Variants in ANKS1A observed in about 807,000 individuals in gnomAD.
The protein encoded by ANKS1A is ankyrin repeat and sterile alpha motif domain containing 1A.
A neutral mutation model predicts 120.3 loss-of-function variants in ANKS1A; 55 were observed. The observed-to-expected ratio is 0.46, with a 90% CI of 0.37 to 0.57. The LOEUF is 0.57. ANKS1A is among the 20% of genes least tolerant of loss of function. ANKS1A has a pLI of 0.00. For synonymous variants in ANKS1A, 590 were observed against 604.7 expected, an observed-to-expected ratio of 0.98 and a Z score of 0.36; for missense variants, 1,123 against 1,480.3, an observed-to-expected ratio of 0.76 and a Z score of 3.96.
intron 11 of ANKS1A, among the ~76,000 whole-genome samples, chr6:35,018,852 G>C (rs1362655812): frequency 6.6e-6 from 1 of 152,112 alleles, no homozygotes; most frequent in African/African-American, 2.4e-5. Context: ...GCCTGAAAAG[G>C]ACACGAGCTC....
At chr6:34,895,780 C>CATTTTTTT (rs1767041000) in intron 1 of ANKS1A, among the ~76,000 whole-genome samples, 1 of 90,410 alleles carries the variant, frequency 1.1e-5, no homozygotes, top group Non-Finnish European at 2.1e-5. Flanking sequence ...GAATGTCTTT[C>CATTTTTTT]TTTTTTTTTT....
intron 10 of ANKS1A, among the ~76,000 whole-genome samples, chr6:35,008,198 G>A (rs1021491445): frequency 6.6e-6 from 1 of 151,086 alleles, no homozygotes; most frequent in African/African-American, 2.4e-5. Flanking sequence ...CTTAACTTCA[G>A]CAGCTTCCTC....
rs143909409 is a variant in ANKS1A, at chr6:34,994,426, C to G, written c.1423+4C>G. 773 of 1,609,560 alleles carry G rather than the reference C, an allele frequency of 4.8e-4. 4 individuals carry two copies. Among genetic ancestry groups the G allele is most frequent in the Admixed American group, 2.3e-3 (139 of 59,872 alleles). ...TTGGTGGATGGAAAAACAAAAGGTA[C>G]GTTCCCCACAACTCCTGGCAGAACC... On this transcript the variant is annotated splice_donor_region_variant and intron_variant, in intron 10 of 23. Coordinates refer to ENST00000360359, the MANE Select transcript of ANKS1A (RefSeq NM_015245.3).
chr6:34,989,476 A>G (rs557620502), intron 9 of ANKS1A, among the ~76,000 whole-genome samples, 160 bp downstream of exon 9: 1 of 152,232 alleles, frequency 6.6e-6, no homozygotes, highest in Non-Finnish European at 1.5e-5. Flanking sequence ...AGACCTTCCA[A>G]ACTCACAAAG....
chr6:34,951,460 C>T (rs1770089764), intron 1 of ANKS1A, among the ~76,000 whole-genome samples: 1 of 152,100 alleles, frequency 6.6e-6, no homozygotes, highest in Non-Finnish European at 1.5e-5. Context: ...CCAGGATTCA[C>T]ACGTGTCAGT....
chr6:35,097,256 C>T, the ANKS1A span, among the ~76,000 whole-genome samples: 23 of 17,248 alleles, frequency 1.3e-3, no homozygotes, highest in East Asian at 0.04. Context: ...CAGGTTTAAT[C>T]CCAGCACTTT....
intron 1 of ANKS1A, among the ~76,000 whole-genome samples, chr6:34,946,760 G>A (rs1338153701): frequency 1.3e-5 from 2 of 152,202 alleles, no homozygotes; most frequent in African/African-American, 2.4e-5. Flanking sequence ...ACCTGCATAT[G>A]CACAAAGGTG....
rs567407820 is a variant in ANKS1A, at chr6:35,086,021, T to G, written c.3303+85T>G. 23 of 1,463,504 alleles carry G rather than the reference T, an allele frequency of 1.6e-5. 1 individual carries two copies. The South Asian group carries it at 3.1e-4, about 20-fold the overall frequency. The allele number at this position is 1,463,504 out of a possible 1,614,324, so 90.7% of individuals were successfully genotyped here. A position where few individuals can be genotyped will look rare whatever the true frequency, so the allele number is the denominator to read the frequency against. On this transcript the variant is annotated intron_variant, in intron 22 of 23. Transcript: ENST00000360359. The surrounding 1 kb of genome is among the most constrained non-coding windows in gnomAD (Gnocchi z 5.1). ...AGGGTGGTCAGCGTGAGGAGGGTCT[T>G]CTGGCACTTCCAGAAAGCTGGCCCT...
rs114104470 is a variant in ANKS1A, at chr6:34,919,439, C to T, written c.197+29840C>T. On this transcript the variant is annotated intron_variant, in intron 1 of 23. Coordinates refer to ENST00000360359, the MANE Select transcript of ANKS1A (RefSeq NM_015245.3). ...TATTAATTTAACAAATATTAAGTGC[C>T]TTCTCTGTACTGGGAACGATGCCAT... Among the ~76,000 whole-genome samples, 816 of 152,280 alleles carry T rather than the reference C, an allele frequency of 5.4e-3. 2 individuals are homozygous for T. Among genetic ancestry groups the T allele is most frequent in the Non-Finnish European group, 8.8e-3 (598 of 68,028 alleles).
chr6:35,068,927 G>A (rs1303527435), intron 13 of ANKS1A, among the ~76,000 whole-genome samples: 1 of 152,172 alleles, frequency 6.6e-6, no homozygotes, highest in African/African-American at 2.4e-5. Context: ...GCGCAGCTCT[G>A]GCCCCAAGAA....
rs956711621 is a variant in ANKS1A, at chr6:34,982,462, TCCTTCCA to T, written c.733-287_733-281del. ...TCTGTTGTACTTTTCTTCTTATTACTCCTTCCACCCAGGAAGGTGGAGTTCTGAGGCA... is the reference window on the plus strand; with the variant it reads ...TCTGTTGTACTTTTCTTCTTATTACTCCCAGGAAGGTGGAGTTCTGAGGCA... On this transcript the variant is annotated intron_variant, in intron 4 of 23. Coordinates refer to ENST00000360359, the MANE Select transcript of ANKS1A (RefSeq NM_015245.3). The surrounding 1 kb of genome is among the most constrained non-coding windows in gnomAD (Gnocchi z 4.9). 1.1e-4 allele frequency among the ~76,000 whole-genome samples: 16 copies of T among 152,176 alleles called. No homozygotes were observed. Among genetic ancestry groups the T allele is most frequent in the African/African-American group, 3.9e-4 (16 of 41,440 alleles).
At chr6:35,013,461 A>G (rs1245124037) in intron 10 of ANKS1A, among the ~76,000 whole-genome samples, 2 of 151,722 alleles carry the variant, frequency 1.3e-5, no homozygotes, top group Non-Finnish European at 2.9e-5. Flanking sequence ...CACCCAGCTA[A>G]TTTTTAAATT....
chr6:35,090,340 A>C lies in ANKS1A; in HGVS notation c.*1731A>C. The C allele has an allele frequency of 7.8e-7, 1 of 1,276,390 alleles. No homozygotes were observed. Among genetic ancestry groups the C allele is most frequent in the Non-Finnish European group, 1.0e-6 (1 of 980,152 alleles). The allele number at this position is 1,276,390 out of a possible 1,614,324, so 79.1% of individuals were successfully genotyped here. ...AGAGTAGACTGCGCTGCCACTGCGC[A>C]CATGCTGGTGCCCGTCTTCCTCCTA... On this transcript the variant is annotated 3_prime_UTR_variant, in exon 24 of 24. Coordinates refer to ENST00000360359, the MANE Select transcript of ANKS1A (RefSeq NM_015245.3).
intron 1 of ANKS1A, among the ~76,000 whole-genome samples, chr6:34,930,463 C>T (rs1768925817): frequency 6.6e-6 from 1 of 152,156 alleles, no homozygotes; most frequent in African/African-American, 2.4e-5. Flanking sequence ...TTGCACATTC[C>T]CTGTGTGTGT....
At chr6:35,064,265 C>T (rs915799963) in intron 13 of ANKS1A, among the ~76,000 whole-genome samples, 8 of 152,112 alleles carry the variant, frequency 5.3e-5, no homozygotes, top group South Asian at 2.1e-4. Flanking sequence ...AGTCATGGCT[C>T]GGGGCAGTGG....
intron 1 of ANKS1A, among the ~76,000 whole-genome samples, chr6:34,922,016 C>T (rs1768458180): frequency 7.5e-6 from 1 of 133,608 alleles, no homozygotes; most frequent in Non-Finnish European, 1.6e-5. Context: ...AATTGACTTC[C>T]TTTTTTTTTT....
At chr6:35,072,430 T>C (rs1777129969) in intron 13 of ANKS1A, among the ~76,000 whole-genome samples, 1 of 152,258 alleles carries the variant, frequency 6.6e-6, no homozygotes, top group Non-Finnish European at 1.5e-5. Context: ...ACAGCCACCA[T>C]GGTAGACGCT....
intron 1 of ANKS1A, among the ~76,000 whole-genome samples, chr6:34,928,666 T>C (rs1183141610): frequency 6.6e-6 from 1 of 152,008 alleles, no homozygotes; most frequent in Non-Finnish European, 1.5e-5. Context: ...GATGAGGAAA[T>C]TGAGGCACAG....
chr6:34,984,520 T>TA (rs1189610018), intron 7 of ANKS1A, among the ~76,000 whole-genome samples: 3 of 152,164 alleles, frequency 2.0e-5, no homozygotes, highest in Non-Finnish European at 4.4e-5. Context: ...TCAAGGATTT[T>TA]ACATTTATGG....
Sources: gnomAD v4.1 joint callset for allele counts (sites outside exome capture counted in the v4.1 genomes callset) on GRCh38, gnomAD v4.1.1 for gene constraint, Gnocchi (gnomAD v3.1) non-coding constraint, MANE v1.5 for transcripts, NCBI Gene and HGNC (gene_info 2026-07-23, HGNC 2026-07-21) for gene names.